Variants in HLTF observed in about 807,000 individuals in gnomAD.
The protein encoded by HLTF is helicase like transcription factor.
HLTF carries 127 observed loss-of-function variants against 129.4 expected under a neutral mutation model. The ratio of observed to expected loss-of-function variants is 0.98; its 90% CI spans 0.85 to 1.14. The LOEUF is 1.14. HLTF is among the 50% of genes most tolerant of loss of function. The pLI, the probability that HLTF is intolerant of heterozygous loss-of-function variation, is 0.00. For synonymous variants in HLTF, 332 were observed against 388.8 expected, an observed-to-expected ratio of 0.85 and a Z score of 1.72; for missense variants, 1,139 against 1,187.1, an observed-to-expected ratio of 0.96 and a Z score of 0.60.
chr3:149,040,068 T>G lies in HLTF; in HGVS notation c.2465A>C (p.Glu822Ala). 4 of 1,611,820 alleles carry G rather than the reference T, an allele frequency of 2.5e-6. No homozygotes were observed. In the East Asian group the frequency reaches 8.9e-5, roughly 36 times the overall value. Residue 822 changes from glutamate (E) to alanine (A), a missense_variant, in exon 21 of 25, where the codon GAG becomes GCG. Glu to Ala is a moderately radical substitution (Grantham distance 107). Transcript: ENST00000310053. ...TGTCCATTCCATATCAGACTTTTTC[T>G]CACTGTCACGTGCTAATTCTTCTGG... Reference protein sequence around the residue: ...CPPEELARDSEKKSDMEWTSS... With the variant: ...CPPEELARDSAKKSDMEWTSS...
rs1043146080 is a variant in HLTF, at chr3:149,075,808, A to C, written c.395+73T>G. 3.0e-6 allele frequency: 3 copies of C among 987,418 alleles called. No homozygotes were observed. In the African/African-American group the frequency reaches 4.9e-5, roughly 16 times the overall value. 61.2% of individuals were successfully genotyped at this position (987,418 alleles called of 1,614,324 possible). Reference sequence around the variant, plus strand: ...TGTTAGCATACCTTTATAGGCTCTAACAAGAAGCCCTAACAAGTTCAAAGA... The same window carrying C: ...TGTTAGCATACCTTTATAGGCTCTACCAAGAAGCCCTAACAAGTTCAAAGA... On this transcript the variant is annotated intron_variant, in intron 3 of 24. Coordinates refer to ENST00000310053, the MANE Select transcript of HLTF (RefSeq NM_003071.4).
At chr3:149,045,633 C>T (rs978105236) in intron 18 of HLTF, among the ~76,000 whole-genome samples, 2 of 152,156 alleles carry the variant, frequency 1.3e-5, no homozygotes, top group African/African-American at 4.8e-5. Flanking sequence ...GAAGATTCCC[C>T]TTTCACAGTC....
chr3:149,061,803 TCCAGCC>T, intron 10 of HLTF, among the ~76,000 whole-genome samples: 1 of 139,266 alleles, frequency 7.2e-6, no homozygotes, highest in South Asian at 2.2e-4. Context: ...GCCATTGCAC[TCCAGCC>T]TGGGCGACAG....
intron 10 of HLTF, chr3:149,062,986 G>T: frequency 2.2e-6 from 1 of 452,984 alleles, no homozygotes; most frequent in African/African-American, 2.0e-5. Flanking sequence ...AGTGATCTTG[G>T]TAGTTTCAAA....
rs114222688 is a variant in HLTF at position 149,051,133 on chromosome 3, G to A, written c.1474-758C>T. Among the ~76,000 whole-genome samples, 687 of 151,778 alleles carry A rather than the reference G, an allele frequency of 4.5e-3. 5 individuals carry two copies. The highest frequency in any genetic ancestry group is 0.026 in the South Asian group (125 of 4,806). On this transcript the variant is annotated intron_variant, in intron 14 of 24. Coordinates refer to ENST00000310053, the MANE Select transcript of HLTF (RefSeq NM_003071.4). The stretch of plus-strand genomic sequence containing the variant: ...AACTAAGACAAGACTGATAGGACTT[G>A]GGGACTAATGAAATATGAAATATGA...
At chr3:149,084,950 T>A (rs1214329434) in intron 1 of HLTF, 61 bp from the exon 2 acceptor site, 2 of 1,202,512 alleles carry the variant, frequency 1.7e-6, no homozygotes, top group African/African-American at 3.1e-5. Flanking sequence ...AAAGACCATA[T>A]GAGTAGTTTT....
rs73164926 is a variant in HLTF at position 149,071,437 on chromosome 3, C to G, written c.709G>C (p.Glu237Gln). ...TTTTGATGTGGAAGCAGTGGTGTTT[C>G]AATAGCCTATAAATAAAAAGTCATA... Reference protein sequence around the residue: ...THEMEPAEAIETPLLPHQKQA... With the variant: ...THEMEPAEAIQTPLLPHQKQA... Residue 237 changes from glutamate (E) to glutamine (Q), a missense_variant, in exon 7 of 25, where the codon GAA becomes CAA. Transcript: ENST00000310053. 6.2e-7 allele frequency: 1 copy of G among 1,610,536 alleles called. No individual in the cohort carries two copies. The highest frequency in any genetic ancestry group is 8.5e-7 in the Non-Finnish European group (1 of 1,178,438).
chr3:149,081,773 AAAC>A (rs747517103), intron 2 of HLTF, among the ~76,000 whole-genome samples: 2 of 152,186 alleles, frequency 1.3e-5, no homozygotes, highest in Non-Finnish European at 2.9e-5. Flanking sequence ...CACCAACTTA[AAAC>A]AACCAAAAAA....
chr3:149,041,407 A>C (rs113208202), intron 20 of HLTF, 83 bp downstream of exon 20: 4 of 831,162 alleles, frequency 4.8e-6, no homozygotes. Flanking sequence ...CAAGTGCAAA[A>C]CTCCATATAC....
At chr3:149,044,856 T>C (rs1716410684) in intron 18 of HLTF, among the ~76,000 whole-genome samples, 1 of 152,082 alleles carries the variant, frequency 6.6e-6, no homozygotes, top group Non-Finnish European at 1.5e-5. Context: ...CATTTCTCAC[T>C]CCCTTTATCA....
chr3:149,041,107 T>C (rs1716097480), intron 20 of HLTF, among the ~76,000 whole-genome samples: 1 of 152,184 alleles, frequency 6.6e-6, no homozygotes, highest in African/African-American at 2.4e-5. Flanking sequence ...ATTTAGTTTT[T>C]TGTAAAAAGC....
Position 149,042,264 on chromosome 3 carries a change from G to A in HLTF, c.2099C>T (p.Ala700Val). 1 of 1,612,324 alleles carries A rather than the reference G, an allele frequency of 6.2e-7. No individual in the cohort carries two copies. Among genetic ancestry groups the A allele is most frequent in the Non-Finnish European group, 8.5e-7 (1 of 1,178,616 alleles). ...AAGACCCAGGACATCTGCATAATGT[G>A]CCAGGACAGTCCCTTCATTAAAATA... ...GRYFNEGTVLAHYADVLGLLL... is the reference protein window; with the variant it reads ...GRYFNEGTVLVHYADVLGLLL... The change falls in exon 19 of 25, where the codon GCA (alanine) becomes GTA (valine). Residue 700 changes from alanine (A) to valine (V), a missense_variant. By Grantham distance (64) the Ala-to-Val change is moderately conservative. Transcript: ENST00000310053.
chr3:149,059,781 C>T lies in HLTF; in HGVS notation c.1312G>A (p.Val438Met). 1 of 1,601,096 alleles carries T rather than the reference C, an allele frequency of 6.2e-7. No homozygotes were observed. The highest frequency in any genetic ancestry group is 1.1e-5 in the South Asian group (1 of 87,376). ...KAGSSKVIED[V>M]AFACALTSSV... Reference sequence around the variant, plus strand: ...GAAGTTAATGCACATGCAAATGCCACATCTTCTATAACCTTAGAAGATCCT... The same window carrying T: ...GAAGTTAATGCACATGCAAATGCCATATCTTCTATAACCTTAGAAGATCCT... Residue 438 changes from valine (V) to methionine (M), a missense_variant, in exon 13 of 25, where the codon GTG becomes ATG. Physicochemically the swap from Val to Met is conservative, Grantham distance 21. Transcript: ENST00000310053.
chr3:149,060,573 G>T, intron 12 of HLTF, 70 bp downstream of exon 12: 1 of 1,232,814 alleles, frequency 8.1e-7, no homozygotes, highest in Non-Finnish European at 1.2e-6. Flanking sequence ...AACCTAGCGA[G>T]ATACAAATCA....
chr3:149,066,388 T>C (rs1456419017), intron 8 of HLTF, among the ~76,000 whole-genome samples: 4 of 152,164 alleles, frequency 2.6e-5, no homozygotes, highest in Non-Finnish European at 5.9e-5. Flanking sequence ...CAGCAAACTT[T>C]TTCTCTATAA....
chr3:149,078,097 A>G (rs1213442117), intron 2 of HLTF, among the ~76,000 whole-genome samples: 1 of 152,242 alleles, frequency 6.6e-6, no homozygotes, highest in Non-Finnish European at 1.5e-5. Context: ...ATTATTTAAA[A>G]TGTCAATTTT....
intron 11 of HLTF, 21 bp downstream of exon 11, chr3:149,060,758 A>G (rs768347437): frequency 6.2e-7 from 1 of 1,608,008 alleles, no homozygotes; most frequent in East Asian, 2.2e-5. Flanking sequence ...ACATTATCAA[A>G]TCAAATCTAT....
In HLTF at chr3:149,073,292, C is replaced by T. The variant is rs746643096; in HGVS notation, c.560G>A (p.Gly187Asp). 3 of 1,612,444 alleles carry T rather than the reference C, an allele frequency of 1.9e-6. No individual in the cohort carries two copies. The highest frequency in any genetic ancestry group is 2.5e-6 in the Non-Finnish European group (3 of 1,178,906). Residue 187 changes from glycine to aspartate, a missense_variant, in exon 5 of 25, where the codon GGC becomes GAC. By Grantham distance (94) the Gly-to-Asp change is moderately conservative (BLOSUM62 -1). Transcript: ENST00000310053. Reference protein sequence around the residue: ...TLGFNLESGWGSGRAGPSYSM... With the variant: ...TLGFNLESGWDSGRAGPSYSM... ...ATAGCTTGGTCCAGCTCTTCCAGAGCCCCAACCACTTTCCAAATTGAATCC... is the reference window on the plus strand; with the variant it reads ...ATAGCTTGGTCCAGCTCTTCCAGAGTCCCAACCACTTTCCAAATTGAATCC...
Position 149,032,362 on chromosome 3 carries a change from TTTACAATGAACTTTAAA to T in HLTF, c.2878-7_2887del. The T allele has an allele frequency of 6.6e-7, 1 of 1,518,030 alleles. No individual in the cohort carries two copies. Among genetic ancestry groups the T allele is most frequent in the Non-Finnish European group, 8.9e-7 (1 of 1,129,864 alleles). 94.0% of individuals were successfully genotyped at this position (1,518,030 alleles called of 1,614,324 possible). A position where few individuals can be genotyped will look rare whatever the true frequency, so the allele number is the denominator to read the frequency against. On this transcript the variant is annotated splice_acceptor_variant and splice_polypyrimidine_tract_variant and coding_sequence_variant and intron_variant, in exon 25 of 25. Transcript: ENST00000310053. LOFTEE classifies it high-confidence loss of function. The stretch of plus-strand genomic sequence containing the variant: ...CAGCATATTTTCTTCAACAGAGTCC[TTTACAATGAACTTTAAA>T]AAGAAAAAAAAAAGTTAAGTAGTTT...
Sources: allele counts gnomAD v4.1 joint callset (sites outside exome capture counted in the v4.1 genomes callset), GRCh38; gene constraint gnomAD v4.1.1; transcripts MANE v1.5; gene names NCBI Gene and HGNC (gene_info 2026-07-23, HGNC 2026-07-21).